Variants in SLC30A8 observed in about 807,000 individuals in gnomAD.
SLC30A8 encodes proton-coupled zinc antiporter SLC30A8.
In SLC30A8, 27 loss-of-function variants were observed where a neutral mutation model predicts 36.9. The observed-to-expected ratio is 0.73, with a 90% CI of 0.54 to 1.01. SLC30A8 has a LOEUF of 1.01. SLC30A8 is among the 50% of genes least tolerant of loss of function. The pLI is 0.00. For synonymous variants in SLC30A8, 164 were observed against 172.4 expected (o/e 0.95, Z 0.38); for missense variants, 439 against 452.0 (o/e 0.97, Z 0.26).
chr8:117,119,936 A>G lies in SLC30A8; in HGVS notation c.-225-15344A>G, dbSNP rs73315702. ...GGAATAAACCAGAGGTAAAAGACTT[A>G]TGTGCTGAAAACAACATAACATAGA... On this transcript the variant is annotated intron_variant, in intron 2 of 10. Transcript: ENST00000427715. Among the ~76,000 whole-genome samples the G allele has an allele frequency of 2.3e-3, 348 of 152,102 alleles. 1 individual carries two copies. The highest frequency in any genetic ancestry group is 7.9e-3 in the African/African-American group (328 of 41,560).
chr8:117,139,067 C>T (rs1821510341), intron 1 of SLC30A8, among the ~76,000 whole-genome samples: 1 of 151,990 alleles, frequency 6.6e-6, no homozygotes, highest in Non-Finnish European at 1.5e-5. Context: ...GGCAGACCAG[C>T]TAGAAGTTAA....
chr8:117,004,454 T>G (rs1166195934), intron 1 of SLC30A8, among the ~76,000 whole-genome samples: 1 of 152,114 alleles, frequency 6.6e-6, no homozygotes, highest in Non-Finnish European at 1.5e-5. Context: ...CCTTTTTGGA[T>G]CTTTGAGTTC....
intron 2 of SLC30A8, among the ~76,000 whole-genome samples, chr8:117,070,525 C>G (rs1352904698): frequency 5.3e-5 from 8 of 152,222 alleles, no homozygotes; most frequent in Non-Finnish European, 8.8e-5. Flanking sequence ...CTGTCACATT[C>G]TATTTATTGG....
chr8:117,057,219 C>G (rs1817898483), intron 2 of SLC30A8, among the ~76,000 whole-genome samples: 1 of 152,040 alleles, frequency 6.6e-6, no homozygotes. Flanking sequence ...TCCCTGAGAC[C>G]ATTTAAAAAT....
chr8:116,994,454 C>T (rs1365464522), intron 1 of SLC30A8, among the ~76,000 whole-genome samples: 2 of 152,002 alleles, frequency 1.3e-5, no homozygotes, highest in African/African-American at 2.4e-5. Flanking sequence ...GAATACCATA[C>T]AGCAATGAAA....
chr8:117,038,320 A>C (rs555560801), intron 1 of SLC30A8, among the ~76,000 whole-genome samples: 107 of 152,300 alleles, frequency 7.0e-4, no homozygotes, highest in African/African-American at 2.5e-3. Flanking sequence ...AGAGATCGAT[A>C]TGTACATCTT....
intron 4 of SLC30A8, 105 bp from the exon 5 acceptor site, chr8:117,161,633 A>C (rs769988518): frequency 1.9e-6 from 2 of 1,042,620 alleles, no homozygotes; most frequent in East Asian, 4.9e-5. Context: ...TATTTCAACT[A>C]TCCATCATTT....
At chr8:116,955,452 G>A (rs576262831) in intron 1 of SLC30A8, among the ~76,000 whole-genome samples, 8 of 152,216 alleles carry the variant, frequency 5.3e-5, no homozygotes, top group Non-Finnish European at 7.4e-5. Flanking sequence ...AGGTTTGGCC[G>A]GGTGCGGTGG....
intron 1 of SLC30A8, among the ~76,000 whole-genome samples, chr8:117,004,659 G>A (rs770212289): frequency 6.6e-6 from 1 of 152,086 alleles, no homozygotes; most frequent in Admixed American, 6.5e-5. Flanking sequence ...AGATTGGAAC[G>A]TTATCTTTAA....
chr8:117,002,154 G>A, intron 1 of SLC30A8, among the ~76,000 whole-genome samples: 1 of 152,096 alleles, frequency 6.6e-6, no homozygotes, highest in East Asian at 1.9e-4. Context: ...TTTGTTTATG[G>A]TGTAATTTAC....
chr8:117,160,443 A>ATG (rs1563635255), intron 4 of SLC30A8, among the ~76,000 whole-genome samples: 3 of 129,666 alleles, frequency 2.3e-5, no homozygotes, highest in African/African-American at 1.1e-4. Context: ...GTGCGCGCAC[A>ATG]TGTGCGCGCG....
intron 1 of SLC30A8, among the ~76,000 whole-genome samples, chr8:117,012,472 C>T (rs140325581): frequency 7.8e-4 from 119 of 151,830 alleles, no homozygotes; most frequent in African/African-American, 2.6e-3. Context: ...TCATTATTAC[C>T]CATACAATAC....
chr8:117,073,793 A>G (rs988456473), intron 2 of SLC30A8, among the ~76,000 whole-genome samples: 1 of 152,060 alleles, frequency 6.6e-6, no homozygotes, highest in African/African-American at 2.4e-5. Flanking sequence ...AGTCACATGG[A>G]TCATAAAACC....
rs573807273 is a variant in SLC30A8 at position 117,168,522 on chromosome 8, C to A, written c.830-2512C>A. On this transcript the variant is annotated intron_variant, in intron 6 of 7. Transcript: ENST00000456015. ...ACTCCCCCCCAAGTAAAAGAAAGTT[C>A]TAGGATGTGATGGAGCATTGAGTCC... Among the ~76,000 whole-genome samples, 207 of 152,186 alleles carry A rather than the reference C, an allele frequency of 1.4e-3. 2 individuals carry two copies. The highest frequency in any genetic ancestry group is 4.9e-3 in the African/African-American group (204 of 41,534).
intron 2 of SLC30A8, among the ~76,000 whole-genome samples, chr8:117,039,966 C>A (rs1586431118): frequency 6.6e-6 from 1 of 152,268 alleles, no homozygotes; most frequent in East Asian, 1.9e-4. Context: ...AGGATACTTC[C>A]TTTAGGTCAT....
At chr8:117,023,905 T>C (rs13280848) in intron 1 of SLC30A8, among the ~76,000 whole-genome samples, 97,943 of 151,938 alleles carry the variant, frequency 0.64, 32,558 homozygotes, top group African/African-American at 0.81. Context: ...GAAAAAGTCT[T>C]AAGGTGCTTC....
chr8:117,114,959 T>C (rs924174415), intron 2 of SLC30A8, among the ~76,000 whole-genome samples: 7 of 151,962 alleles, frequency 4.6e-5, no homozygotes, highest in Admixed American at 1.3e-4. Context: ...AGCTCTAGTG[T>C]GGTGGCTACA....
intron 2 of SLC30A8, among the ~76,000 whole-genome samples, chr8:117,100,575 G>A (rs1819667070): frequency 6.6e-6 from 1 of 152,168 alleles, no homozygotes; most frequent in South Asian, 2.1e-4. Context: ...CAAGAAGCCA[G>A]TATGGCTACT....
chr8:117,074,742 A>G (rs1052006510), intron 2 of SLC30A8, among the ~76,000 whole-genome samples: 4 of 152,176 alleles, frequency 2.6e-5, no homozygotes, highest in Non-Finnish European at 5.9e-5. Flanking sequence ...TAATGACACC[A>G]CTGTATTTCT....
Sources: allele counts gnomAD v4.1 joint callset (sites outside exome capture counted in the v4.1 genomes callset), GRCh38; gene constraint gnomAD v4.1.1; transcripts MANE v1.5; gene names NCBI Gene and HGNC (gene_info 2026-07-23, HGNC 2026-07-21).